PRDM5: variants seen among roughly 807,000 people sequenced by gnomAD.
The protein encoded by PRDM5 is PR/SET domain 5.
Under a neutral mutation model 81.2 loss-of-function variants are expected in PRDM5, and 56 were observed. The observed-to-expected ratio is 0.69, with a 90% CI of 0.56 to 0.86. The LOEUF is 0.86. Ranked by LOEUF, PRDM5 falls within the 40% of genes least tolerant of loss-of-function variation. The probability of loss-of-function intolerance (pLI) is 0.00; values close to 1 mark genes in which losing one functional copy is unlikely to be tolerated. For synonymous variants in PRDM5, 267 were observed against 256.4 expected (o/e 1.04, Z -0.39); for missense variants, 697 against 770.1 (o/e 0.91, Z 1.12).
At chr4:120,745,760 C>T (rs1364747607) in intron 14 of PRDM5, among the ~76,000 whole-genome samples, 1 of 144,550 alleles carries the variant, frequency 6.9e-6, no homozygotes, top group East Asian at 2.1e-4. Context: ...GAACTACAAA[C>T]CGCTGCTCAA....
chr4:120,922,021 T>A (rs1259626735), intron 1 of PRDM5, among the ~76,000 whole-genome samples: 1 of 152,214 alleles, frequency 6.6e-6, no homozygotes, highest in East Asian at 1.9e-4. Flanking sequence ...CGCTCTGGGC[T>A]GCTCCTCCCA....
At chr4:120,735,788 A>G (rs987326631) in intron 14 of PRDM5, among the ~76,000 whole-genome samples, 5 of 152,136 alleles carry the variant, frequency 3.3e-5, no homozygotes, top group Non-Finnish European at 5.9e-5. Context: ...ACAGGATAAC[A>G]AAAAATTGTC....
intron 14 of PRDM5, among the ~76,000 whole-genome samples, chr4:120,734,202 T>A (rs777492053): frequency 2.0e-5 from 3 of 151,342 alleles, no homozygotes; most frequent in African/African-American, 4.9e-5. Flanking sequence ...TGGGCTCCAT[T>A]CTGCAGGCAG....
chr4:120,695,483 T>C (rs948990827), intron 15 of PRDM5, among the ~76,000 whole-genome samples: 3 of 152,114 alleles, frequency 2.0e-5, no homozygotes, highest in Non-Finnish European at 2.9e-5. Flanking sequence ...ACCTTTCTTA[T>C]CCTAATGGAA....
intron 3 of PRDM5, among the ~76,000 whole-genome samples, chr4:120,833,427 T>C (rs1000109424): frequency 6.6e-6 from 1 of 152,018 alleles, no homozygotes; most frequent in Non-Finnish European, 1.5e-5. Flanking sequence ...AGCCCCAGAG[T>C]AGTGGTGCTA....
intron 14 of PRDM5, among the ~76,000 whole-genome samples, chr4:120,754,175 G>A (rs1297597930): frequency 6.6e-6 from 1 of 151,546 alleles, no homozygotes; most frequent in East Asian, 1.9e-4. Context: ...TTACTTAATG[G>A]CCAAATGCTG....
intron 4 of PRDM5, 25 bp from the exon 5 acceptor site, chr4:120,818,552 T>G (rs1317341890): frequency 7.5e-6 from 12 of 1,597,348 alleles, no homozygotes; most frequent in Non-Finnish European, 8.6e-6. Flanking sequence ...GGAAACATAT[T>G]CATGAGACAA....
At chr4:120,717,319 A>C (rs1737938611) in intron 14 of PRDM5, among the ~76,000 whole-genome samples, 3 of 152,192 alleles carry the variant, frequency 2.0e-5, no homozygotes, top group Admixed American at 2.0e-4. Flanking sequence ...GGCAGAATTA[A>C]TCAGGAGTCT....
intron 2 of PRDM5, among the ~76,000 whole-genome samples, chr4:120,860,618 A>T (rs1475231850): frequency 1.3e-5 from 2 of 152,090 alleles, no homozygotes; most frequent in African/African-American, 2.4e-5. Context: ...TTCTTGGAAA[A>T]AAAAAAAAGA....
chr4:120,818,288 G>A, intron 5 of PRDM5, 65 bp downstream of exon 5: 1 of 1,541,470 alleles, frequency 6.5e-7, no homozygotes, highest in Non-Finnish European at 8.9e-7. Context: ...AAAACTATGA[G>A]TTAAGCTGAA....
At chr4:120,697,670 A>ATT (rs373112429) in intron 15 of PRDM5, among the ~76,000 whole-genome samples, 2 of 30,060 alleles carry the variant, frequency 6.7e-5, no homozygotes, top group African/African-American at 1.1e-4. Flanking sequence ...CCAGCTAACT[A>ATT]TTTTTTTTTT....
intron 3 of PRDM5, among the ~76,000 whole-genome samples, chr4:120,828,780 A>G (rs1487066457): frequency 6.6e-6 from 1 of 152,048 alleles, no homozygotes; most frequent in Non-Finnish European, 1.5e-5. Flanking sequence ...ATATTAATAT[A>G]TTCTTAGAGT....
At chr4:120,762,239 C>A (rs561885433) in intron 13 of PRDM5, 1 of 152,134 alleles carries the variant, frequency 6.6e-6, no homozygotes, top group East Asian at 1.9e-4. Context: ...TTCAATGAAT[C>A]CAAATTAAAT....
At chr4:120,911,183 T>C (rs1766462126) in intron 1 of PRDM5, among the ~76,000 whole-genome samples, 2 of 152,154 alleles carry the variant, frequency 1.3e-5, no homozygotes, top group African/African-American at 4.8e-5. Context: ...CTAAAAACTT[T>C]TCCACTCCAA....
chr4:120,789,254 T>C (rs929436960), intron 10 of PRDM5, among the ~76,000 whole-genome samples: 3 of 152,190 alleles, frequency 2.0e-5, no homozygotes, highest in African/African-American at 7.2e-5. Context: ...TTATAACACC[T>C]ACTAGAATGT....
intron 3 of PRDM5, among the ~76,000 whole-genome samples, chr4:120,828,687 C>T (rs1192390983): frequency 1.3e-5 from 2 of 152,140 alleles, no homozygotes; most frequent in African/African-American, 4.8e-5. Flanking sequence ...TGGTCAAGCA[C>T]TGGGCTCAAA....
intron 2 of PRDM5, among the ~76,000 whole-genome samples, chr4:120,891,491 C>T (rs1056966485): frequency 7.2e-5 from 11 of 151,994 alleles, no homozygotes; most frequent in African/African-American, 2.7e-4. Context: ...GCTTCTAGAC[C>T]CTTTGATCTT....
intron 14 of PRDM5, among the ~76,000 whole-genome samples, chr4:120,739,347 C>A (rs1741563792): frequency 6.6e-6 from 1 of 152,212 alleles, no homozygotes; most frequent in Admixed American, 6.5e-5. Flanking sequence ...AGATTACCAG[C>A]ACCACCTTGG....
In PRDM5 at chr4:120,760,746, G is replaced by T. The variant is rs533555231; in HGVS notation, c.1538-6108C>A. ...AGCTAATGTATTCATTCATTAAATA[G>T]ACTTTTTTTTTTTTAGCACATACCA... On this transcript the variant is annotated intron_variant, in intron 13 of 15. Coordinates refer to ENST00000264808, the MANE Select transcript of PRDM5 (RefSeq NM_018699.4). Among the ~76,000 whole-genome samples the T allele has an allele frequency of 2.9e-3, 433 of 151,772 alleles. 3 individuals are homozygous for T. Among genetic ancestry groups the T allele is most frequent in the Non-Finnish European group, 4.0e-3 (275 of 67,918 alleles).
Sources: allele counts gnomAD v4.1 joint callset (sites outside exome capture counted in the v4.1 genomes callset), GRCh38; gene constraint gnomAD v4.1.1; transcripts MANE v1.5; gene names NCBI Gene and HGNC (gene_info 2026-07-23, HGNC 2026-07-21).